TULP4: variants seen among roughly 807,000 people sequenced by gnomAD.
TULP4 encodes TUB like protein 4.
TULP4 carries 16 observed loss-of-function variants against 129.0 expected under a neutral mutation model. That is an observed-to-expected ratio of 0.12 (90% CI 0.08 to 0.19). TULP4 has a LOEUF of 0.19. TULP4 is among the 10% of genes least tolerant of loss of function. The pLI is 1.00. For synonymous variants in TULP4, 998 were observed against 854.0 expected, an observed-to-expected ratio of 1.17 and a Z score of -2.94; for missense variants, 1,842 against 2,059.1, an observed-to-expected ratio of 0.89 and a Z score of 2.04.
rs531657478 is a variant in TULP4 at position 158,365,186 on chromosome 6, G to C, written c.253-47879G>C. Among the ~76,000 whole-genome samples, 13 of 151,966 alleles carry C rather than the reference G, an allele frequency of 8.6e-5. 1 individual carries two copies. The South Asian group carries it at 2.7e-3, about 32-fold the overall frequency. On this transcript the variant is annotated intron_variant, in intron 1 of 13. Coordinates refer to ENST00000367097, the MANE Select transcript of TULP4 (RefSeq NM_020245.5). ...AGCTTTATTTCTGGAAATCCTACTA[G>C]ATGTGTTTCTTTTCACTCTACCTGT...
intron 1 of TULP4, among the ~76,000 whole-genome samples, chr6:158,250,403 G>T (rs1024500169): frequency 1.3e-5 from 2 of 150,744 alleles, no homozygotes; most frequent in African/African-American, 4.9e-5. Flanking sequence ...TGATCTGCCT[G>T]CCTTGGCCTC....
At chr6:158,414,278 T>C (rs1470200146) in intron 2 of TULP4, among the ~76,000 whole-genome samples, 1 of 152,218 alleles carries the variant, frequency 6.6e-6, no homozygotes, top group African/African-American at 2.4e-5. Flanking sequence ...GACCATTAAC[T>C]GGCCTTCTTG....
intron 1 of TULP4, among the ~76,000 whole-genome samples, chr6:158,387,601 G>A (rs1428269629): frequency 1.3e-5 from 2 of 152,162 alleles, no homozygotes. Context: ...TCTACTTGCT[G>A]TAAAACATGA....
chr6:158,441,393 A>G (rs1778894715), intron 3 of TULP4, among the ~76,000 whole-genome samples: 1 of 152,184 alleles, frequency 6.6e-6, no homozygotes, highest in Admixed American at 6.6e-5. Context: ...ACCTTCTTAA[A>G]GTCAGTTTTT....
At chr6:158,275,101 A>G (rs1360861343) in intron 1 of TULP4, among the ~76,000 whole-genome samples, 1 of 152,240 alleles carries the variant, frequency 6.6e-6, no homozygotes, top group Non-Finnish European at 1.5e-5. Context: ...TCTGAGTTCC[A>G]AAAGAGCCAA....
Position 158,331,718 on chromosome 6 carries a change from C to CGTAT in TULP4, c.252+17450_252+17451insGTAT, listed in dbSNP as rs1562523086. Among the ~76,000 whole-genome samples, 32 of 48,346 alleles carry CGTAT rather than the reference C, an allele frequency of 6.6e-4. 3 individuals are homozygous for CGTAT. The highest frequency in any genetic ancestry group is 2.5e-3 in the African/African-American group (30 of 11,874). The allele number at this position is 48,346 out of a possible 152,430, so 31.7% of individuals were successfully genotyped here. The stretch of plus-strand genomic sequence containing the variant: ...ACACACACACACACACACACACACA[C>CGTAT]ACACACACACATACGTATATATATA... On this transcript the variant is annotated intron_variant, in intron 1 of 13. Coordinates refer to ENST00000367097, the MANE Select transcript of TULP4 (RefSeq NM_020245.5).
chr6:158,460,707 A>T (rs934094298), intron 5 of TULP4, among the ~76,000 whole-genome samples: 2 of 152,214 alleles, frequency 1.3e-5, no homozygotes, highest in Non-Finnish European at 2.9e-5. Context: ...GCATTCTCAT[A>T]TGCATGTGTG....
At chr6:158,437,808 T>C (rs1778785904) in intron 3 of TULP4, 2 of 152,124 alleles carry the variant, frequency 1.3e-5, no homozygotes, top group Non-Finnish European at 2.9e-5. Context: ...CTGGGTATGG[T>C]GGCATGTGCC....
chr6:158,269,266 G>A (rs1379591708), intron 1 of TULP4, among the ~76,000 whole-genome samples: 1 of 151,722 alleles, frequency 6.6e-6, no homozygotes, highest in Non-Finnish European at 1.5e-5. Flanking sequence ...CCATAGTTTG[G>A]TGGAAAAAAG....
intron 1 of TULP4, among the ~76,000 whole-genome samples, chr6:158,352,563 A>AT (rs1780550395): frequency 6.6e-6 from 1 of 152,028 alleles, no homozygotes; most frequent in South Asian, 2.1e-4. Flanking sequence ...CGCCTGGCTA[A>AT]TTTTTGTATT....
intron 6 of TULP4, among the ~76,000 whole-genome samples, chr6:158,465,256 T>C (rs948688332): frequency 6.6e-6 from 1 of 152,228 alleles, no homozygotes; most frequent in Non-Finnish European, 1.5e-5. Flanking sequence ...TTTACAAGTG[T>C]TTATTTTTTT....
intron 8 of TULP4, among the ~76,000 whole-genome samples, chr6:158,488,996 C>T (rs1325145457): frequency 6.6e-6 from 1 of 152,162 alleles, no homozygotes; most frequent in African/African-American, 2.4e-5. Context: ...CCTGGGAGTT[C>T]CCACCGCACA....
At chr6:158,303,884 C>T (rs1779170171) in intron 1 of TULP4, among the ~76,000 whole-genome samples, 1 of 152,172 alleles carries the variant, frequency 6.6e-6, no homozygotes, top group Non-Finnish European at 1.5e-5. Flanking sequence ...TAATTTATCT[C>T]CAGTCTCTAA....
chr6:158,447,757 T>C (rs1380683737), intron 3 of TULP4, among the ~76,000 whole-genome samples: 1 of 152,234 alleles, frequency 6.6e-6, no homozygotes. Context: ...AATTCTAGCC[T>C]TTCTAGTCAG....
At chr6:158,253,017 C>T (rs928163492) in intron 1 of TULP4, among the ~76,000 whole-genome samples, 2 of 152,218 alleles carry the variant, frequency 1.3e-5, no homozygotes, top group Admixed American at 1.3e-4. Flanking sequence ...TACGCGTTGG[C>T]AGGGATGCTG....
intron 3 of TULP4, among the ~76,000 whole-genome samples, chr6:158,430,288 T>TTGTGGATGTGGAAGCCCATCCAC (rs1778598998): frequency 6.6e-6 from 1 of 151,152 alleles, no homozygotes; most frequent in African/African-American, 2.4e-5. Flanking sequence ...ATCCACATGG[T>TTGTGGATGTGGAAGCCCATCCAC]AAAAAGCTGG....
intron 1 of TULP4, among the ~76,000 whole-genome samples, chr6:158,365,947 GTC>G (rs1780945017): frequency 1.8e-5 from 2 of 112,626 alleles, no homozygotes; most frequent in African/African-American, 7.0e-5. Flanking sequence ...CTGTCGCCCA[GTC>G]TGGAGTGCAG....
chr6:158,436,282 T>C (rs1188228475), intron 3 of TULP4, among the ~76,000 whole-genome samples: 1 of 152,188 alleles, frequency 6.6e-6, no homozygotes, highest in African/African-American at 2.4e-5. Flanking sequence ...TGTTTCTATC[T>C]GAGACTATTT....
At chr6:158,232,290 A>G (rs193274071) in exon 1 of TULP4, 7 of 148,000 alleles carry the variant, frequency 4.7e-5, no homozygotes, top group Non-Finnish European at 9.1e-5. Flanking sequence ...GGCTGCCGCC[A>G]CGGCCGCCCG....
Sources: gnomAD v4.1 joint callset for allele counts (sites outside exome capture counted in the v4.1 genomes callset) on GRCh38, gnomAD v4.1.1 for gene constraint, MANE v1.5 for transcripts, NCBI Gene and HGNC (gene_info 2026-07-23, HGNC 2026-07-21) for gene names.